The following MRTFB variants were observed in gnomAD, a reference collection of about 807,000 sequenced individuals.
MRTFB encodes the protein myocardin-related transcription factor B.
A neutral mutation model predicts 104.2 loss-of-function variants in MRTFB; 29 were observed. That is an observed-to-expected ratio of 0.28 (90% confidence interval 0.21 to 0.38). The LOEUF is 0.38. Among genes scored for constraint, MRTFB ranks in the 10% least tolerant of loss-of-function variants. MRTFB has a pLI of 1.00. For synonymous variants in MRTFB, 535 were observed against 519.5 expected (o/e 1.03, Z -0.41); for missense variants, 1,270 against 1,341.6 (o/e 0.95, Z 0.83).
chr16:14,115,879 T>G (rs542236334), intron 2 of MRTFB, among the ~76,000 whole-genome samples: 1 of 152,150 alleles, frequency 6.6e-6, no homozygotes, highest in Admixed American at 6.5e-5. Context: ...CCTTGAGTGC[T>G]TCCCCTCCCC....
chr16:14,192,506 AT>A (rs1294940734), intron 3 of MRTFB, among the ~76,000 whole-genome samples: 9 of 152,274 alleles, frequency 5.9e-5, no homozygotes, highest in East Asian at 1.9e-4. Context: ...AAGTTATATA[AT>A]TTTTTTATTA....
chr16:14,018,909 C>T, the MRTFB span: 1 of 152,086 alleles, frequency 6.6e-6, no homozygotes, highest in Non-Finnish European at 1.5e-5. Context: ...TATTACCTGG[C>T]CCCTGTGGGC....
intron 2 of MRTFB, among the ~76,000 whole-genome samples, chr16:14,119,438 G>T (rs2036723919): frequency 2.0e-5 from 3 of 152,170 alleles, no homozygotes; most frequent in African/African-American, 7.2e-5. Flanking sequence ...ACATAAGGAG[G>T]CAGGTTTAGA....
At chr16:14,223,162 TAGCTGGGCGTGGTAGTGCA>T (rs759201719) in intron 8 of MRTFB, among the ~76,000 whole-genome samples, 16 of 151,706 alleles carry the variant, frequency 1.1e-4, no homozygotes, top group Non-Finnish European at 2.2e-4. Flanking sequence ...CAAAAAGAAA[TAGCTGGGCGTGGTAGTGCA>T]TACCTGTGGT....
intron 10 of MRTFB, among the ~76,000 whole-genome samples, chr16:14,242,874 A>C (rs1481636840): frequency 1.3e-5 from 2 of 152,202 alleles, no homozygotes; most frequent in African/African-American, 4.8e-5. Context: ...AGGAAAAAAA[A>C]AACATCCTGA....
intron 3 of MRTFB, among the ~76,000 whole-genome samples, chr16:14,199,485 A>T (rs1353493127): frequency 6.6e-6 from 1 of 152,116 alleles, no homozygotes; most frequent in East Asian, 1.9e-4. Context: ...TCCACTTCCT[A>T]TTCAAACATG....
intron 3 of MRTFB, among the ~76,000 whole-genome samples, chr16:14,173,058 GTTTGA>G (rs1178456797): frequency 6.6e-6 from 1 of 152,100 alleles, no homozygotes; most frequent in Non-Finnish European, 1.5e-5. Flanking sequence ...TACTCATATG[GTTTGA>G]TTTGTTTTCT....
At chr16:14,130,109 G>T (rs1167878156) in intron 2 of MRTFB, among the ~76,000 whole-genome samples, 5 of 152,234 alleles carry the variant, frequency 3.3e-5, no homozygotes, top group Non-Finnish European at 7.3e-5. Context: ...GGGATTACTG[G>T]TGTGAGCCAT....
At chr16:14,158,439 G>A (rs1412313879) in intron 3 of MRTFB, among the ~76,000 whole-genome samples, 4 of 152,010 alleles carry the variant, frequency 2.6e-5, no homozygotes, top group Admixed American at 1.3e-4. Flanking sequence ...ATAAATTGAG[G>A]GTCAGAGAAA....
intron 3 of MRTFB, among the ~76,000 whole-genome samples, chr16:14,174,900 A>C (rs558733286): frequency 1.6e-4 from 25 of 152,238 alleles, no homozygotes; most frequent in African/African-American, 5.8e-4. Flanking sequence ...GGTGGGATTT[A>C]TTTGAATGGA....
intron 3 of MRTFB, among the ~76,000 whole-genome samples, chr16:14,203,057 C>A (rs1247329605): frequency 1.3e-5 from 2 of 152,130 alleles, no homozygotes; most frequent in Non-Finnish European, 2.9e-5. Context: ...GTACTGACTT[C>A]AGAGTCAATA....
chr16:14,159,569 A>T (rs1286623602), intron 3 of MRTFB, among the ~76,000 whole-genome samples: 1 of 152,184 alleles, frequency 6.6e-6, no homozygotes, highest in African/African-American at 2.4e-5. Flanking sequence ...TTCCCCTTAA[A>T]GTAGGGCAAC....
upstream of MRTFB, among the ~76,000 whole-genome samples, chr16:14,068,963 CTTTTTTTTT>C (rs989515330): frequency 1.2e-3 from 123 of 100,168 alleles, no homozygotes; most frequent in African/African-American, 5.1e-3. Context: ...GATTCTCCAG[CTTTTTTTTT>C]TTTTTTTTTT....
the MRTFB span, among the ~76,000 whole-genome samples, chr16:14,063,987 T>C: frequency 2.0e-5 from 3 of 152,238 alleles, no homozygotes; most frequent in Admixed American, 2.0e-4. Context: ...TTTGGATACA[T>C]ACCCAATAAT....
At chr16:14,085,664 C>T (rs1031279972) in intron 2 of MRTFB, among the ~76,000 whole-genome samples, 7 of 151,742 alleles carry the variant, frequency 4.6e-5, no homozygotes, top group Non-Finnish European at 8.8e-5. Flanking sequence ...ATGCACATGG[C>T]AAACACCCAC....
At chr16:14,234,360 A>C (rs1447990347) in intron 9 of MRTFB, 77 bp downstream of exon 9, 2 of 1,498,306 alleles carry the variant, frequency 1.3e-6, no homozygotes, top group Non-Finnish European at 9.0e-7. Flanking sequence ...TGGAAGACAA[A>C]GGCATTTATC....
the MRTFB span, among the ~76,000 whole-genome samples, chr16:14,047,741 T>A: frequency 6.6e-6 from 1 of 152,172 alleles, no homozygotes; most frequent in African/African-American, 2.4e-5. Flanking sequence ...ACCACCCCCA[T>A]GATTCAGTCA....
intron 10 of MRTFB, among the ~76,000 whole-genome samples, chr16:14,242,872 A>G (rs2042835723): frequency 1.3e-5 from 2 of 152,212 alleles, no homozygotes; most frequent in African/African-American, 4.8e-5. Flanking sequence ...ACAGGAAAAA[A>G]AAAACATCCT....
chr16:13,995,010 GTTTA>G, the MRTFB span, among the ~76,000 whole-genome samples: 2 of 150,462 alleles, frequency 1.3e-5, no homozygotes, highest in African/African-American at 4.9e-5. Context: ...TTTGGGGATT[GTTTA>G]TTTATTTACT....
Sources: allele counts gnomAD v4.1 joint callset (sites outside exome capture counted in the v4.1 genomes callset), GRCh38; gene constraint gnomAD v4.1.1; transcripts MANE v1.5; gene names NCBI Gene and HGNC (gene_info 2026-07-23, HGNC 2026-07-21).